Variants in CELF2 observed in about 807,000 individuals in gnomAD.
CELF2 encodes CUG triplet repeat RNA-binding protein 2.
CELF2 carries 8 observed loss-of-function variants against 62.6 expected under a neutral mutation model. The observed-to-expected ratio is 0.13, with a 90% CI of 0.07 to 0.23. CELF2 has a LOEUF of 0.23. CELF2 is among the 10% of genes least tolerant of loss of function. CELF2 has a pLI of 1.00. For missense variants in CELF2, 333 were observed against 671.0 expected, an observed-to-expected ratio of 0.50 and a Z score of 5.56; for synonymous variants, 258 against 250.0, an observed-to-expected ratio of 1.03 and a Z score of -0.30.
At chr10:10,648,145 A>C in the CELF2 span, among the ~76,000 whole-genome samples, 1 of 152,148 alleles carries the variant, frequency 6.6e-6, no homozygotes, top group Non-Finnish European at 1.5e-5. Context: ...TAAAGCAAAA[A>C]CCCACTGCCC....
Position 11,117,792 on chromosome 10 carries a change from A to G in CELF2, c.75-47694A>G, listed in dbSNP as rs188828078. 6.6e-6 allele frequency among the ~76,000 whole-genome samples: 1 copy of G among 152,296 alleles called. No homozygotes were observed. The highest frequency in any genetic ancestry group is 6.5e-5 in the Admixed American group (1 of 15,294). On this transcript the variant is annotated intron_variant, in intron 1 of 12. Coordinates refer to ENST00000633077, the MANE Select transcript of CELF2 (RefSeq NM_001326342.2). This position sits in a 1 kb window ranked among gnomAD's most constrained non-coding sequence, Gnocchi z 4.1. ...CTTCCAAAGCATCAGGCTTGGGTCA[A>G]ATAGGATTCATCTGAGCTTCTGGTT... is the stretch of plus-strand genomic sequence containing the variant.
At chr10:10,658,096 A>G in the CELF2 span, among the ~76,000 whole-genome samples, 6 of 152,162 alleles carry the variant, frequency 3.9e-5, no homozygotes, top group Non-Finnish European at 7.4e-5. Flanking sequence ...GCTTGAAGCT[A>G]TTGTCACTAT....
At chr10:10,679,364 A>T in the CELF2 span, among the ~76,000 whole-genome samples, 3 of 152,122 alleles carry the variant, frequency 2.0e-5, no homozygotes, top group Non-Finnish European at 4.4e-5. Flanking sequence ...ATCTCGGCTC[A>T]CTGCAACCTC....
At chr10:10,747,173 G>A in the CELF2 span, among the ~76,000 whole-genome samples, 1 of 152,218 alleles carries the variant, frequency 6.6e-6, no homozygotes, top group African/African-American at 2.4e-5. Context: ...AAGTCTGCAA[G>A]CTGGTGGAGC....
At chr10:10,921,890 G>A (rs1052730703) in intron 2 of CELF2, among the ~76,000 whole-genome samples, 1 of 152,190 alleles carries the variant, frequency 6.6e-6, no homozygotes, top group African/African-American at 2.4e-5. Context: ...CGATAATCAT[G>A]CGTGAATGTA....
chr10:10,950,989 G>A (rs1210952864), intron 2 of CELF2, among the ~76,000 whole-genome samples: 1 of 152,150 alleles, frequency 6.6e-6, no homozygotes, highest in Non-Finnish European at 1.5e-5. Context: ...TCTCATGATA[G>A]GACTGTGGTA....
chr10:11,072,157 T>C (rs1478547589), intron 1 of CELF2, among the ~76,000 whole-genome samples: 2 of 152,188 alleles, frequency 1.3e-5, no homozygotes. Flanking sequence ...TTTGTCGTTT[T>C]TTCTTTAGGA....
rs576443683 is a variant in CELF2, at chr10:10,940,408, G to T, written c.89+20409G>T. 1.3e-4 allele frequency among the ~76,000 whole-genome samples: 20 copies of T among 152,314 alleles called. No individual in the cohort carries two copies. In the East Asian group the frequency reaches 2.1e-3, roughly 16 times the overall value. On this transcript the variant is annotated intron_variant, in intron 2 of 13. Transcript: ENST00000636488. ...ACAAAAGCAGCTAACTTGCTCCTTT[G>T]TCATGCAGGGAAAGGAGTAGTGTGG... is the stretch of plus-strand genomic sequence containing the variant.
At chr10:11,097,063 G>T (rs1172380007) in intron 1 of CELF2, among the ~76,000 whole-genome samples, 2 of 152,130 alleles carry the variant, frequency 1.3e-5, no homozygotes, top group Admixed American at 1.3e-4. Context: ...GTGGCTGGAG[G>T]AGTAGTGCTC....
chr10:10,726,375 C>T, the CELF2 span, among the ~76,000 whole-genome samples: 1 of 152,124 alleles, frequency 6.6e-6, no homozygotes, highest in Non-Finnish European at 1.5e-5. Flanking sequence ...ACAGAGCAGC[C>T]GTTTCTGCTG....
chr10:11,314,091 A>T lies in CELF2; in HGVS notation c.977-48A>T. 6.4e-7 allele frequency: 1 copy of T among 1,564,348 alleles called. No individual in the cohort carries two copies. Among genetic ancestry groups the T allele is most frequent in the Non-Finnish European group, 8.7e-7 (1 of 1,145,058 alleles). ...AGAAGGATTTCCAGTCTCGGCTCTC[A>T]CTCACCTCGTGTCTTCTCTCCCCTT... On this transcript the variant is annotated intron_variant, in intron 9 of 12. Coordinates refer to ENST00000633077, the MANE Select transcript of CELF2 (RefSeq NM_001326342.2). This position sits in a 1 kb window ranked among gnomAD's most constrained non-coding sequence, Gnocchi z 5.3.
At chr10:10,644,248 T>G in the CELF2 span, among the ~76,000 whole-genome samples, 2 of 152,234 alleles carry the variant, frequency 1.3e-5, no homozygotes, top group African/African-American at 4.8e-5. Context: ...TCTTCTGCTT[T>G]ATTTCTTGAT....
chr10:10,556,272 AAT>A, the CELF2 span, among the ~76,000 whole-genome samples: 1 of 151,598 alleles, frequency 6.6e-6, no homozygotes, highest in Admixed American at 6.6e-5. Flanking sequence ...TATGAGTGAC[AAT>A]ATCTGGTGTT....
At chr10:10,530,635 C>A in the CELF2 span, among the ~76,000 whole-genome samples, 99 of 152,134 alleles carry the variant, frequency 6.5e-4, no homozygotes, top group Non-Finnish European at 2.9e-5. Context: ...TGTCTGAAAG[C>A]CCTCTTTGCT....
the CELF2 span, among the ~76,000 whole-genome samples, chr10:10,761,918 G>C: frequency 1.3e-5 from 2 of 149,504 alleles, no homozygotes; most frequent in Non-Finnish European, 1.5e-5. Flanking sequence ...GTGTGTGTGT[G>C]TGTGTGTGTG....
intron 2 of CELF2, among the ~76,000 whole-genome samples, chr10:10,956,287 A>G (rs1194609779): frequency 6.6e-6 from 1 of 152,242 alleles, no homozygotes. Context: ...TATTTCTTCA[A>G]GAGAGTGCCA....
the CELF2 span, among the ~76,000 whole-genome samples, chr10:10,728,386 G>C: frequency 6.8e-6 from 1 of 147,310 alleles, no homozygotes; most frequent in Non-Finnish European, 1.5e-5. Context: ...CCAGGAGGCA[G>C]AGGTTGCAGT....
chr10:10,582,804 TGTATTCTGCCA>T, the CELF2 span, among the ~76,000 whole-genome samples: 1 of 152,222 alleles, frequency 6.6e-6, no homozygotes, highest in Non-Finnish European at 1.5e-5. Flanking sequence ...GACCTTCTTC[TGTATTCTGCCA>T]GTCTTTGCTT....
At chr10:11,131,753 A>G (rs1303415381) in intron 1 of CELF2, among the ~76,000 whole-genome samples, 2 of 152,228 alleles carry the variant, frequency 1.3e-5, no homozygotes, top group East Asian at 3.8e-4. Flanking sequence ...CTCAGTATAT[A>G]AGTTGGCTTT....
Sources: allele counts gnomAD v4.1 joint callset (sites outside exome capture counted in the v4.1 genomes callset), GRCh38; gene constraint gnomAD v4.1.1; non-coding constraint Gnocchi (gnomAD v3.1); transcripts MANE v1.5; gene names NCBI Gene and HGNC (gene_info 2026-07-23, HGNC 2026-07-21).